FHIT: variants seen among roughly 807,000 people sequenced by gnomAD.
The protein encoded by FHIT is fragile histidine triad diadenosine triphosphatase, also known as bis(5'-adenosyl)-triphosphatase.
A neutral mutation model predicts 17.9 loss-of-function variants in FHIT; 19 were observed. The ratio of observed to expected loss-of-function variants is 1.06; its 90% CI spans 0.74 to 1.56. The LOEUF (loss-of-function observed/expected upper bound fraction) is 1.56, where lower values mean the gene tolerates loss of function less well. FHIT is among the 40% of genes most tolerant of loss of function. The pLI, the probability that FHIT is intolerant of heterozygous loss-of-function variation, is 0.00. For synonymous variants in FHIT, 81 were observed against 69.7 expected (o/e 1.16, Z -0.81); for missense variants, 248 against 189.2 (o/e 1.31, Z -1.82).
chr3:60,887,605 CA>C (rs1705288403), intron 3 of FHIT, among the ~76,000 whole-genome samples: 1 of 152,202 alleles, frequency 6.6e-6, no homozygotes, highest in Admixed American at 6.5e-5. Flanking sequence ...GAGACTGTGC[CA>C]CTGCACTCCA....
At chr3:61,006,425 G>T (rs2031452583) in intron 3 of FHIT, among the ~76,000 whole-genome samples, 1 of 152,068 alleles carries the variant, frequency 6.6e-6, no homozygotes, top group South Asian at 2.1e-4. Flanking sequence ...AATTATCCAT[G>T]AAATTAAAAA....
chr3:60,687,991 T>C (rs1358177181), intron 4 of FHIT, among the ~76,000 whole-genome samples: 4 of 152,200 alleles, frequency 2.6e-5, no homozygotes, highest in Non-Finnish European at 5.9e-5. Context: ...ATTTCGCTTC[T>C]GCCTAATAAA....
intron 7 of FHIT, among the ~76,000 whole-genome samples, chr3:59,966,498 C>CA (rs1707932475): frequency 6.6e-6 from 1 of 152,154 alleles, no homozygotes; most frequent in Admixed American, 6.6e-5. Context: ...TGTACTCATA[C>CA]AAACCTAGAT....
At chr3:60,677,280 T>C (rs2040643134) in intron 4 of FHIT, among the ~76,000 whole-genome samples, 1 of 152,194 alleles carries the variant, frequency 6.6e-6, no homozygotes, top group Non-Finnish European at 1.5e-5. Context: ...AACACCTAAA[T>C]AGTGTACATT....
chr3:59,985,145 G>C (rs559067615), intron 7 of FHIT, among the ~76,000 whole-genome samples: 121 of 152,252 alleles, frequency 7.9e-4, no homozygotes, highest in African/African-American at 2.5e-3. Flanking sequence ...TGACAGTTGA[G>C]TGGGGCATGC....
At chr3:60,916,803 T>C (rs782679695) in intron 3 of FHIT, among the ~76,000 whole-genome samples, 3 of 152,176 alleles carry the variant, frequency 2.0e-5, no homozygotes, top group African/African-American at 7.2e-5. Flanking sequence ...TTTCTTCCCA[T>C]GGTGACGACA....
chr3:60,219,447 G>C (rs1014378128), intron 5 of FHIT, among the ~76,000 whole-genome samples: 4 of 152,076 alleles, frequency 2.6e-5, no homozygotes, highest in Non-Finnish European at 5.9e-5. Context: ...TTAAACAAAA[G>C]GTAGTTTGTA....
intron 8 of FHIT, among the ~76,000 whole-genome samples, chr3:59,796,305 T>C (rs1699776427): frequency 6.6e-6 from 1 of 152,156 alleles, no homozygotes; most frequent in South Asian, 2.1e-4. Context: ...TTTGCGGGTC[T>C]CTAGCAACAC....
chr3:60,435,994 C>A (rs761787358), intron 5 of FHIT, among the ~76,000 whole-genome samples: 3 of 152,076 alleles, frequency 2.0e-5, no homozygotes, highest in Non-Finnish European at 2.9e-5. Context: ...TGATCTTGTT[C>A]TCTTTTATGG....
intron 7 of FHIT, among the ~76,000 whole-genome samples, chr3:59,969,285 T>A (rs1708070456): frequency 6.6e-6 from 1 of 152,122 alleles, no homozygotes; most frequent in Admixed American, 6.6e-5. Flanking sequence ...ATTAATCACA[T>A]TCTAAGCAAT....
chr3:60,362,901 A>C (rs1039510803), intron 5 of FHIT, among the ~76,000 whole-genome samples: 3 of 152,188 alleles, frequency 2.0e-5, no homozygotes, highest in Non-Finnish European at 4.4e-5. Context: ...TCAGAAGTTA[A>C]ATCACCATAA....
intron 4 of FHIT, among the ~76,000 whole-genome samples, chr3:60,583,748 T>A (rs1553660574): frequency 2.0e-5 from 3 of 152,080 alleles, no homozygotes; most frequent in African/African-American, 7.2e-5. Flanking sequence ...TCATTTGCCA[T>A]AACGCAAAGG....
Position 60,923,938 on chromosome 3 carries a change from C to T in FHIT, c.-110-101927G>A, listed in dbSNP as rs74387747. Among the ~76,000 whole-genome samples the T allele has an allele frequency of 3.2e-3, 494 of 152,310 alleles. 17 individuals are homozygous for T. Among genetic ancestry groups the T allele is most frequent in the Admixed American group, 0.029 (441 of 15,302 alleles). On this transcript the variant is annotated intron_variant, in intron 3 of 9. Coordinates refer to ENST00000492590, the MANE Select transcript of FHIT (RefSeq NM_002012.4). ...CCTGCACCTGGCTAGGAGGGTCCTA[C>T]GCCCATGGAGCCTCCCTCATTGCTA...
At chr3:59,976,844 C>T (rs919805321) in intron 7 of FHIT, among the ~76,000 whole-genome samples, 7 of 152,092 alleles carry the variant, frequency 4.6e-5, no homozygotes, top group African/African-American at 1.7e-4. Context: ...ACAAAGACAT[C>T]CTGACCCTCA....
chr3:60,212,887 C>A (rs1703523582), intron 5 of FHIT, among the ~76,000 whole-genome samples: 1 of 152,126 alleles, frequency 6.6e-6, no homozygotes, highest in Non-Finnish European at 1.5e-5. Context: ...GGGTTTGTTC[C>A]TGAGGATGTT....
At chr3:59,893,631 T>A (rs867278289) in intron 8 of FHIT, among the ~76,000 whole-genome samples, 1 of 152,032 alleles carries the variant, frequency 6.6e-6, no homozygotes, top group Non-Finnish European at 1.5e-5. Context: ...AAAAGGAAAA[T>A]AAAACAAAGC....
intron 4 of FHIT, among the ~76,000 whole-genome samples, chr3:60,764,147 C>T (rs1553720807): frequency 6.6e-6 from 1 of 152,106 alleles, no homozygotes; most frequent in Non-Finnish European, 1.5e-5. Flanking sequence ...TCATGTAGTG[C>T]TCCATCACCT....
intron 5 of FHIT, among the ~76,000 whole-genome samples, chr3:60,103,158 C>T (rs182012281): frequency 6.6e-6 from 1 of 152,244 alleles, no homozygotes; most frequent in East Asian, 1.9e-4. Flanking sequence ...CAGTTTTACC[C>T]CCTACCACAG....
At chr3:60,772,664 A>G (rs1383911656) in intron 4 of FHIT, among the ~76,000 whole-genome samples, 1 of 152,174 alleles carries the variant, frequency 6.6e-6, no homozygotes, top group Non-Finnish European at 1.5e-5. Context: ...TGAGGGAAGG[A>G]GAGATGCCTG....
Sources: gnomAD v4.1 joint callset for allele counts (sites outside exome capture counted in the v4.1 genomes callset) on GRCh38, gnomAD v4.1.1 for gene constraint, MANE v1.5 for transcripts, NCBI Gene and HGNC (gene_info 2026-07-23, HGNC 2026-07-21) for gene names.